LRP5: variants seen among roughly 807,000 people sequenced by gnomAD.
LRP5 encodes low-density lipoprotein receptor-related protein 5.
In LRP5, 62 loss-of-function variants were observed where a neutral mutation model predicts 154.1. The observed-to-expected ratio is 0.40, with a 90% CI of 0.33 to 0.50. The LOEUF is 0.50. Among genes scored for constraint, LRP5 ranks in the 20% least tolerant of loss-of-function variants. The probability of loss-of-function intolerance (pLI) is 0.55; values close to 1 mark genes in which losing one functional copy is unlikely to be tolerated. For missense variants in LRP5, 1,915 were observed against 2,336.7 expected (o/e 0.82, Z 3.72); for synonymous variants, 966 against 1,011.5 (o/e 0.96, Z 0.85).
intron 1 of LRP5, among the ~76,000 whole-genome samples, chr11:68,337,323 G>A (rs7108745): frequency 0.022 from 3,305 of 152,302 alleles, 118 homozygotes; most frequent in African/African-American, 0.074. Flanking sequence ...TGGGGTGTGA[G>A]GAGGTGTGCA....
At chr11:68,438,778 C>T in intron 20 of LRP5, 96 bp downstream of exon 20, 1 of 1,044,296 alleles carries the variant, frequency 9.6e-7, no homozygotes, top group Non-Finnish European at 1.4e-6. Context: ...CCCAGGCCCT[C>T]TTGCACATGT....
At chr11:68,371,704 G>T (rs957125946) in intron 5 of LRP5, among the ~76,000 whole-genome samples, 15 of 152,378 alleles carry the variant, frequency 9.8e-5, no homozygotes, top group Admixed American at 9.1e-4. Context: ...ACCTGGAGCT[G>T]CTCACCCAGG....
intron 12 of LRP5, 133 bp downstream of exon 12, chr11:68,414,145 C>A: frequency 1.2e-6 from 1 of 855,120 alleles, no homozygotes; most frequent in Non-Finnish European, 1.9e-6. Context: ...GTGCACTGCA[C>A]AAGCTGCATG....
intron 21 of LRP5, among the ~76,000 whole-genome samples, chr11:68,440,165 C>T (rs1227261190): frequency 6.6e-6 from 1 of 152,234 alleles, no homozygotes; most frequent in East Asian, 1.9e-4. Context: ...CCTAGAGTGG[C>T]TGTTGGGCTC....
In LRP5 at chr11:68,375,448, C is replaced by G. The variant is rs571720033; in HGVS notation, c.1015+9746C>G. Reference sequence around the variant, plus strand: ...ACATCTGAGTGTGGACCTCCCTGCCCCTGCTCGTGCTGTGCCCACCACCTG... The same window carrying G: ...ACATCTGAGTGTGGACCTCCCTGCCGCTGCTCGTGCTGTGCCCACCACCTG... On this transcript the variant is annotated intron_variant, in intron 5 of 22. Transcript: ENST00000294304. Among the ~76,000 whole-genome samples, 14 of 152,338 alleles carry G rather than the reference C, an allele frequency of 9.2e-5. No homozygotes were observed. The East Asian group carries it at 2.5e-3, about 27-fold the overall frequency.
rs375689193 is a variant in LRP5, at chr11:68,416,548, G to A, written c.3027+21G>A. 4 of 1,612,028 alleles carry A rather than the reference G, an allele frequency of 2.5e-6. No homozygotes were observed. The South Asian group carries it at 4.4e-5, about 18-fold the overall frequency. The stretch of plus-strand genomic sequence containing the variant: ...CCCAGGCAGGTGCCCTGTGGGAAGG[G>A]TGCGGGGTGTGCTTCCCAAGGCGCT... On this transcript the variant is annotated intron_variant, in intron 13 of 22. Transcript: ENST00000294304.
intron 1 of LRP5, among the ~76,000 whole-genome samples, chr11:68,334,184 G>C (rs1309173503): frequency 6.6e-6 from 1 of 152,100 alleles, no homozygotes; most frequent in Non-Finnish European, 1.5e-5. Context: ...CAGTGAGCCT[G>C]GATCGTGCCA....
chr11:68,410,688 G>A (rs1207587500), intron 10 of LRP5, among the ~76,000 whole-genome samples: 2 of 152,164 alleles, frequency 1.3e-5, no homozygotes, highest in Non-Finnish European at 2.9e-5. Flanking sequence ...GCTGCCAGGC[G>A]TCCTGGGGGC....
At chr11:68,306,135 GCTTTT>G in the LRP5 span, among the ~76,000 whole-genome samples, 4 of 151,948 alleles carry the variant, frequency 2.6e-5, no homozygotes, top group Non-Finnish European at 5.9e-5. Flanking sequence ...ATCTCTGTCT[GCTTTT>G]CTTTTCTTTT....
chr11:68,386,764 C>A lies in LRP5; in HGVS notation c.1412+52C>A. 3 of 1,574,862 alleles carry A rather than the reference C, an allele frequency of 1.9e-6. No individual in the cohort carries two copies. The highest frequency in any genetic ancestry group is 2.3e-5 in the South Asian group (2 of 88,622). On this transcript the variant is annotated intron_variant, in intron 6 of 22. Transcript: ENST00000294304. The surrounding 1 kb of genome is among the most constrained non-coding windows in gnomAD (Gnocchi z 7.9). ...GAGCCAGGGCCAGGCCAAGCACAGG[C>A]GAGAGGGAGATTGACCTGGACCTGT...
At chr11:68,394,201 A>G (rs2098647921) in intron 7 of LRP5, among the ~76,000 whole-genome samples, 1 of 151,990 alleles carries the variant, frequency 6.6e-6, no homozygotes, top group African/African-American at 2.4e-5. Flanking sequence ...TTTATATCTC[A>G]GTGGTCCAGA....
intron 5 of LRP5, among the ~76,000 whole-genome samples, chr11:68,366,584 T>C (rs1028828265): frequency 6.6e-6 from 1 of 152,152 alleles, no homozygotes; most frequent in Admixed American, 6.5e-5. Context: ...GTCTTTTCTC[T>C]GCTCCCTGGC....
intron 5 of LRP5, among the ~76,000 whole-genome samples, chr11:68,368,647 G>A (rs1475873344): frequency 6.6e-6 from 1 of 152,156 alleles, no homozygotes; most frequent in Non-Finnish European, 1.5e-5. Flanking sequence ...TACTCTCTTG[G>A]TGTGTCTGTC....
chr11:68,427,072 C>T (rs983174925), intron 16 of LRP5, among the ~76,000 whole-genome samples: 17 of 152,302 alleles, frequency 1.1e-4, no homozygotes, highest in Non-Finnish European at 1.3e-4. Context: ...CCCTGTGATT[C>T]GGCTCAGCCA....
At chr11:68,318,320 C>T (rs1488726772) in intron 1 of LRP5, among the ~76,000 whole-genome samples, 1 of 150,984 alleles carries the variant, frequency 6.6e-6, no homozygotes, top group Non-Finnish European at 1.5e-5. Flanking sequence ...GCTGGGATTA[C>T]AGGCGTGAGC....
intron 5 of LRP5, among the ~76,000 whole-genome samples, chr11:68,380,383 C>T (rs1405813710): frequency 5.9e-5 from 9 of 152,178 alleles, no homozygotes; most frequent in Admixed American, 2.6e-4. Flanking sequence ...CCTACAGCTG[C>T]GGCAGAGCTG....
the LRP5 span, among the ~76,000 whole-genome samples, chr11:68,298,625 GCCCA>G: frequency 1.3e-5 from 2 of 152,274 alleles, no homozygotes; most frequent in Admixed American, 1.3e-4. Flanking sequence ...TCAGTGCCAG[GCCCA>G]GCTATCCTGC....
chr11:68,354,654 C>A (rs1034019646), intron 2 of LRP5, among the ~76,000 whole-genome samples: 3 of 152,232 alleles, frequency 2.0e-5, no homozygotes, highest in African/African-American at 4.8e-5. Context: ...TTCACCCACA[C>A]CCGGGCTTTG....
chr11:68,426,562 G>T (rs753965131), intron 16 of LRP5, among the ~76,000 whole-genome samples: 1 of 151,890 alleles, frequency 6.6e-6, no homozygotes, highest in Non-Finnish European at 1.5e-5. Context: ...CAGGTAGCTG[G>T]GACTACAGGT....
Sources: gnomAD v4.1 joint callset for allele counts (sites outside exome capture counted in the v4.1 genomes callset) on GRCh38, gnomAD v4.1.1 for gene constraint, Gnocchi (gnomAD v3.1) non-coding constraint, MANE v1.5 for transcripts, NCBI Gene and HGNC (gene_info 2026-07-23, HGNC 2026-07-21) for gene names.